Variants in JAKMIP2 observed in about 807,000 individuals in gnomAD.
JAKMIP2 encodes janus kinase and microtubule-interacting protein 2.
A neutral mutation model predicts 115.0 loss-of-function variants in JAKMIP2; 25 were observed. The ratio of observed to expected loss-of-function variants is 0.22; its 90% CI spans 0.16 to 0.30. The LOEUF is 0.30. Ranked by LOEUF, JAKMIP2 falls within the 10% of genes least tolerant of loss-of-function variation. JAKMIP2 has a pLI of 1.00. For synonymous variants in JAKMIP2, 334 were observed against 343.6 expected (o/e 0.97, Z 0.31); for missense variants, 642 against 957.6 (o/e 0.67, Z 4.35).
At chr5:147,772,635 T>C (rs1249677621) in intron 1 of JAKMIP2, among the ~76,000 whole-genome samples, 1 of 152,044 alleles carries the variant, frequency 6.6e-6, no homozygotes. Flanking sequence ...TTAAAAAATA[T>C]TGTGTTAGGA....
At chr5:147,623,754 C>T (rs1756962218) in intron 16 of JAKMIP2, 65 bp from the exon 17 acceptor site, 2 of 990,726 alleles carry the variant, frequency 2.0e-6, no homozygotes, top group African/African-American at 1.6e-5. Flanking sequence ...TCTGTGTGCC[C>T]CCATGAGGTG....
chr5:147,593,126 G>A (rs1755180681), intron 21 of JAKMIP2, among the ~76,000 whole-genome samples: 2 of 152,238 alleles, frequency 1.3e-5, no homozygotes, highest in African/African-American at 4.8e-5. Context: ...GAACTGAAGA[G>A]TGATGACAGG....
chr5:147,739,413 G>A (rs1218807273), intron 1 of JAKMIP2, among the ~76,000 whole-genome samples: 1 of 152,138 alleles, frequency 6.6e-6, no homozygotes, highest in Non-Finnish European at 1.5e-5. Context: ...CCACCTGGAA[G>A]AGGCAACGAG....
At chr5:147,678,811 C>T (rs956360384) in intron 1 of JAKMIP2, among the ~76,000 whole-genome samples, 2 of 151,504 alleles carry the variant, frequency 1.3e-5, no homozygotes, top group African/African-American at 4.9e-5. Context: ...ACTACATACC[C>T]ATAAAAATTG....
rs1448840872 is a variant in JAKMIP2 at position 147,585,861 on chromosome 5, A to C, written c.*5846T>G. The C allele has an allele frequency of 6.6e-6, 1 of 152,144 alleles. No homozygotes were observed. The highest frequency in any genetic ancestry group is 1.5e-5 in the Non-Finnish European group (1 of 68,040). The allele number at this position is 152,144 out of a possible 1,614,324, so 9.4% of individuals were successfully genotyped here. Reference sequence around the variant, plus strand: ...CCAAAGTATTGGATCTTGAAGGCTAAAACATGCATGAACCCTGTTGAGATG... The same window carrying C: ...CCAAAGTATTGGATCTTGAAGGCTACAACATGCATGAACCCTGTTGAGATG... On this transcript the variant is annotated 3_prime_UTR_variant, in exon 22 of 22. Transcript: ENST00000616793.
intron 1 of JAKMIP2, among the ~76,000 whole-genome samples, chr5:147,710,522 A>G (rs1328168993): frequency 6.6e-6 from 1 of 152,316 alleles, no homozygotes; most frequent in East Asian, 1.9e-4. Context: ...AGTGATCTTC[A>G]CAAATAAGTC....
At chr5:147,773,393 G>A (rs188915176) in intron 1 of JAKMIP2, among the ~76,000 whole-genome samples, 1 of 152,206 alleles carries the variant, frequency 6.6e-6, no homozygotes. Flanking sequence ...TGACTACACG[G>A]CCAAAGATCA....
chr5:147,656,610 G>A (rs1758689754), intron 3 of JAKMIP2, among the ~76,000 whole-genome samples: 1 of 152,184 alleles, frequency 6.6e-6, no homozygotes, highest in African/African-American at 2.4e-5. Context: ...CCTGAATACA[G>A]CACGCTGATG....
intron 16 of JAKMIP2, 97 bp downstream of exon 16, chr5:147,628,654 A>G: frequency 2.4e-6 from 2 of 828,532 alleles, no homozygotes; most frequent in Non-Finnish European, 4.0e-6. Flanking sequence ...ATTCACACAC[A>G]GTCATGTGCA....
chr5:147,674,465 G>GCCA (rs1759812699), intron 1 of JAKMIP2, among the ~76,000 whole-genome samples: 1 of 152,116 alleles, frequency 6.6e-6, no homozygotes, highest in South Asian at 2.1e-4. Flanking sequence ...AAAACCTGAA[G>GCCA]CCACAAATTT....
chr5:147,683,514 A>G (rs1357249523), intron 1 of JAKMIP2, among the ~76,000 whole-genome samples: 1 of 152,104 alleles, frequency 6.6e-6, no homozygotes, highest in East Asian at 1.9e-4. Context: ...AAACCAAACA[A>G]CAACAACAAC....
intron 7 of JAKMIP2, 139 bp from the exon 8 acceptor site, chr5:147,641,903 T>A (rs1244685739): frequency 1.5e-6 from 1 of 651,768 alleles, no homozygotes; most frequent in Non-Finnish European, 2.6e-6. Flanking sequence ...TTTTGGCAAC[T>A]TTTGGGATTG....
At chr5:147,674,874 T>C (rs1759842269) in intron 1 of JAKMIP2, among the ~76,000 whole-genome samples, 2 of 152,180 alleles carry the variant, frequency 1.3e-5, no homozygotes, top group African/African-American at 4.8e-5. Context: ...AAGGTAACTG[T>C]CAGTATTATG....
chr5:147,627,849 A>G (rs925801183), intron 16 of JAKMIP2, among the ~76,000 whole-genome samples: 3 of 152,050 alleles, frequency 2.0e-5, no homozygotes, highest in Admixed American at 6.6e-5. Context: ...TTTCATAGCT[A>G]TAGTTCTTTG....
intron 1 of JAKMIP2, among the ~76,000 whole-genome samples, chr5:147,688,487 G>A (rs1486969718): frequency 1.3e-5 from 2 of 152,154 alleles, no homozygotes; most frequent in Non-Finnish European, 2.9e-5. Context: ...TTCTTATGAT[G>A]TTGCACTGGT....
chr5:147,643,800 C>A (rs931573956), intron 7 of JAKMIP2, among the ~76,000 whole-genome samples: 4 of 152,274 alleles, frequency 2.6e-5, no homozygotes, highest in Admixed American at 1.3e-4. Flanking sequence ...TACAACGAGG[C>A]ATTTAAAAGT....
intron 19 of JAKMIP2, among the ~76,000 whole-genome samples, chr5:147,617,046 C>T (rs531775954): frequency 6.6e-6 from 1 of 152,294 alleles, no homozygotes; most frequent in South Asian, 2.1e-4. Flanking sequence ...CTGACACTTT[C>T]AATGCTGGAA....
At chr5:147,708,116 C>A (rs1289247427) in intron 1 of JAKMIP2, among the ~76,000 whole-genome samples, 4 of 152,092 alleles carry the variant, frequency 2.6e-5, no homozygotes, top group African/African-American at 9.7e-5. Flanking sequence ...AATTATTTTA[C>A]ACATTTAAAT....
At chr5:147,752,088 G>C (rs1754580604) in intron 1 of JAKMIP2, among the ~76,000 whole-genome samples, 1 of 152,156 alleles carries the variant, frequency 6.6e-6, no homozygotes, top group Non-Finnish European at 1.5e-5. Context: ...ACTGTAAGTT[G>C]TCATTTGGAA....
Sources: allele counts gnomAD v4.1 joint callset (sites outside exome capture counted in the v4.1 genomes callset), GRCh38; gene constraint gnomAD v4.1.1; transcripts MANE v1.5; gene names NCBI Gene and HGNC (gene_info 2026-07-23, HGNC 2026-07-21).